The following GALNT13 variants were observed in gnomAD, a reference collection of about 807,000 sequenced individuals.
GALNT13 encodes polypeptide N-acetylgalactosaminyltransferase 13, also known as UDP-GalNAc:polypeptide N-acetylgalactosaminyltransferase 13.
Under a neutral mutation model 64.2 loss-of-function variants are expected in GALNT13, and 28 were observed. The observed-to-expected ratio is 0.44, with a 90% confidence interval of 0.32 to 0.60. The LOEUF (loss-of-function observed/expected upper bound fraction) is 0.60. Ranked by LOEUF, GALNT13 falls within the 20% of genes least tolerant of loss-of-function variation. The probability of loss-of-function intolerance (pLI) is 0.05; values close to 1 mark genes in which losing one functional copy is unlikely to be tolerated. For synonymous variants in GALNT13, 214 were observed against 224.6 expected, an observed-to-expected ratio of 0.95 and a Z score of 0.42; for missense variants, 577 against 669.8, an observed-to-expected ratio of 0.86 and a Z score of 1.53.
intron 3 of GALNT13, among the ~76,000 whole-genome samples, chr2:154,096,749 G>A (rs540055063): frequency 2.0e-5 from 3 of 152,134 alleles, no homozygotes; most frequent in Admixed American, 2.0e-4. Context: ...ACTATGAAGA[G>A]CACCAATAAA....
At chr2:154,279,614 G>T (rs1164600299) in intron 8 of GALNT13, among the ~76,000 whole-genome samples, 1 of 152,056 alleles carries the variant, frequency 6.6e-6, no homozygotes, top group African/African-American at 2.4e-5. Flanking sequence ...AAGTACTAGT[G>T]TACCAAGGAA....
chr2:153,429,171 A>C, the GALNT13 span, among the ~76,000 whole-genome samples: 20 of 152,188 alleles, frequency 1.3e-4, no homozygotes, highest in African/African-American at 4.6e-4. Flanking sequence ...TCAATCTGAC[A>C]AAAGGTTTAA....
chr2:153,994,204 A>G (rs1695363020), intron 3 of GALNT13, among the ~76,000 whole-genome samples: 1 of 152,092 alleles, frequency 6.6e-6, no homozygotes, highest in Non-Finnish European at 1.5e-5. Flanking sequence ...GCTGAGAATG[A>G]TGGTTTCCAG....
chr2:153,883,003 C>CAATT (rs143481760), intron 1 of GALNT13, among the ~76,000 whole-genome samples: 24,371 of 149,266 alleles, frequency 0.16, 2,407 homozygotes, highest in East Asian at 0.26. Context: ...AAGAAACACA[C>CAATT]AGAGGACCAT....
chr2:153,574,715 C>CT, the GALNT13 span, among the ~76,000 whole-genome samples: 5,564 of 141,206 alleles, frequency 0.039, 152 homozygotes, highest in East Asian at 0.15. Context: ...TTATTTCAAT[C>CT]TTTTTTTTTT....
chr2:153,847,876 G>A, the GALNT13 span, among the ~76,000 whole-genome samples: 2 of 152,098 alleles, frequency 1.3e-5, no homozygotes, highest in Non-Finnish European at 2.9e-5. Flanking sequence ...CAAAAAATAT[G>A]GGATTTTACC....
chr2:153,344,789 A>G, the GALNT13 span, among the ~76,000 whole-genome samples: 1 of 152,192 alleles, frequency 6.6e-6, no homozygotes, highest in African/African-American at 2.4e-5. Flanking sequence ...GAGGTGATGG[A>G]TATATTAATT....
the GALNT13 span, among the ~76,000 whole-genome samples, chr2:153,400,625 G>T: frequency 6.6e-6 from 1 of 152,166 alleles, no homozygotes; most frequent in African/African-American, 2.4e-5. Flanking sequence ...TCTATTCAGA[G>T]ATTCAACTTC....
At chr2:153,879,344 TTAAAAC>T (rs1574028933) in intron 1 of GALNT13, among the ~76,000 whole-genome samples, 1 of 146,520 alleles carries the variant, frequency 6.8e-6, no homozygotes, top group East Asian at 2.1e-4. Context: ...GATAAAATAA[TTAAAAC>T]TACCTACGTG....
At chr2:153,384,787 A>G in the GALNT13 span, among the ~76,000 whole-genome samples, 1 of 152,032 alleles carries the variant, frequency 6.6e-6, no homozygotes, top group Non-Finnish European at 1.5e-5. Context: ...GAGGAGAAAT[A>G]AAAATCTCTT....
chr2:154,075,982 G>A (rs755144381), intron 3 of GALNT13, among the ~76,000 whole-genome samples: 4 of 151,290 alleles, frequency 2.6e-5, no homozygotes, highest in South Asian at 2.1e-4. Flanking sequence ...ATAATGTACC[G>A]GTCAGATTAG....
chr2:154,416,310 C>T (rs535276507), intron 11 of GALNT13, among the ~76,000 whole-genome samples: 1 of 152,078 alleles, frequency 6.6e-6, no homozygotes, highest in South Asian at 2.1e-4. Context: ...GGGAAAAGTT[C>T]ATTGAGCCTT....
At chr2:154,037,433 T>C (rs1379543298) in intron 3 of GALNT13, among the ~76,000 whole-genome samples, 1 of 152,136 alleles carries the variant, frequency 6.6e-6, no homozygotes, top group Non-Finnish European at 1.5e-5. Flanking sequence ...AAGCATTCCC[T>C]CTAAACACTG....
In GALNT13 at chr2:154,417,797, C is replaced by A. The variant is rs1167451601; in HGVS notation, c.1395+8715C>A. Among the ~76,000 whole-genome samples, 4 of 152,058 alleles carry A rather than the reference C, an allele frequency of 2.6e-5. No homozygotes were observed. In the East Asian group the frequency reaches 7.7e-4, roughly 29 times the overall value. On this transcript the variant is annotated intron_variant, in intron 11 of 12. Coordinates refer to ENST00000392825, the MANE Select transcript of GALNT13 (RefSeq NM_052917.4). ...AAAGTGCTGGGATTACAGGTGTGAGCCACCGCGCCCGGCCACTTTTAGAAC... is the reference window on the plus strand; with the variant it reads ...AAAGTGCTGGGATTACAGGTGTGAGACACCGCGCCCGGCCACTTTTAGAAC...
At chr2:153,111,950 C>T in the GALNT13 span, among the ~76,000 whole-genome samples, 2 of 152,100 alleles carry the variant, frequency 1.3e-5, no homozygotes, top group Non-Finnish European at 2.9e-5. Context: ...TTTACATAGG[C>T]CATTATCCTA....
At chr2:153,932,602 TTTTTTTTC>T (rs1426894786) in intron 2 of GALNT13, among the ~76,000 whole-genome samples, 3 of 148,816 alleles carry the variant, frequency 2.0e-5, no homozygotes, top group South Asian at 2.1e-4. Context: ...CTTCTTTTTC[TTTTTTTTC>T]TTTTTTTCTG....
chr2:153,398,241 AG>A, the GALNT13 span, among the ~76,000 whole-genome samples: 3 of 152,142 alleles, frequency 2.0e-5, no homozygotes, highest in African/African-American at 7.2e-5. Context: ...GTCCCTACAA[AG>A]GACATAAACT....
At chr2:154,088,538 G>A (rs1317041643) in intron 3 of GALNT13, among the ~76,000 whole-genome samples, 1 of 152,084 alleles carries the variant, frequency 6.6e-6, no homozygotes, top group Admixed American at 6.6e-5. Flanking sequence ...TGCAACCTCC[G>A]CCTCCCAGGT....
chr2:154,180,458 T>C (rs1685894641), intron 4 of GALNT13, among the ~76,000 whole-genome samples: 2 of 152,082 alleles, frequency 1.3e-5, no homozygotes, highest in African/African-American at 4.8e-5. Context: ...GCTGTTTAAA[T>C]TTACATTTAC....
Sources: allele counts gnomAD v4.1 joint callset (sites outside exome capture counted in the v4.1 genomes callset), GRCh38; gene constraint gnomAD v4.1.1; transcripts MANE v1.5; gene names NCBI Gene and HGNC (gene_info 2026-07-23, HGNC 2026-07-21).